Variants in PAX2 observed in about 807,000 individuals in gnomAD.
PAX2 encodes paired box protein Pax-2.
In PAX2, 9 loss-of-function variants were observed where a neutral mutation model predicts 41.7. That is an observed-to-expected ratio of 0.22 (90% CI 0.13 to 0.38). PAX2 has a LOEUF of 0.38. Among genes scored for constraint, PAX2 ranks in the 10% least tolerant of loss-of-function variants. PAX2 has a pLI of 1.00. For missense variants in PAX2, 418 were observed against 531.6 expected (o/e 0.79, Z 2.10); for synonymous variants, 221 against 212.7 (o/e 1.04, Z -0.34).
At position 100,750,706 on chromosome 10, in the gene PAX2, C is replaced by G. The variant is rs755604378; in HGVS notation, c.225C>G (p.Thr75=). Reference sequence around the variant, plus strand: ...TTTCCCGGCGCAGGTACTACGAGACCGGCAGCATCAAGCCGGGTGTGATCG... The same window carrying G: ...TTTCCCGGCGCAGGTACTACGAGACGGGCAGCATCAAGCCGGGTGTGATCG... The part of the protein sequence containing the change: ...VSKILGRYYE[T]GSIKPGVIGG... Residue 75 remains threonine (T), a synonymous_variant, in exon 3 of 10, where the codon ACC becomes ACG. Transcript: ENST00000355243. This position sits in a 1 kb window ranked among gnomAD's most constrained non-coding sequence, Gnocchi z 4.1. The G allele has an allele frequency of 6.2e-7, 1 of 1,614,120 alleles. No individual in the cohort carries two copies. Among genetic ancestry groups the G allele is most frequent in the African/African-American group, 1.3e-5 (1 of 75,048 alleles).
chr10:100,794,916 T>A (rs1310310340), intron 5 of PAX2, among the ~76,000 whole-genome samples: 1 of 152,232 alleles, frequency 6.6e-6, no homozygotes, highest in Non-Finnish European at 1.5e-5. Flanking sequence ...GAATTTCACC[T>A]TGTTGGTTTG....
chr10:100,772,441 A>C (rs1846247991), intron 3 of PAX2, among the ~76,000 whole-genome samples: 1 of 152,248 alleles, frequency 6.6e-6, no homozygotes, highest in Non-Finnish European at 1.5e-5. Flanking sequence ...GGCATAAGCC[A>C]CCATGCCTGG....
chr10:100,828,039 G>C lies in PAX2; in HGVS notation c.*420G>C, dbSNP rs1264207070. 4.1e-6 allele frequency: 1 copy of C among 242,494 alleles called. No individual in the cohort carries two copies. Among genetic ancestry groups the C allele is most frequent in the Non-Finnish European group, 7.9e-6 (1 of 126,010 alleles). 15.0% of individuals were successfully genotyped at this position (242,494 alleles called of 1,614,324 possible). A position where few individuals can be genotyped will look rare whatever the true frequency, so the allele number is the denominator to read the frequency against. The stretch of plus-strand genomic sequence containing the variant: ...ACACAATCAGCGCGGACCGCAGCGC[G>C]GCCCAGCCCCGGGCACCCGCCTCGG... On this transcript the variant is annotated 3_prime_UTR_variant, in exon 10 of 10. Transcript: ENST00000355243. The surrounding 1 kb of genome is among the most constrained non-coding windows in gnomAD (Gnocchi z 6.5).
rs542899598 is a variant in PAX2, at chr10:100,758,127, C to T, written c.410+7236C>T. Among the ~76,000 whole-genome samples, 199 of 150,134 alleles carry T rather than the reference C, an allele frequency of 1.3e-3. 1 individual carries two copies. The highest frequency in any genetic ancestry group is 4.6e-3 in the African/African-American group (188 of 40,510). ...TAGAAAGAGAGCAGGGCAGGGGGAG[C>T]GAGTCAGGTGCCATTCTTTTTTTTT... is the stretch of plus-strand genomic sequence containing the variant. On this transcript the variant is annotated intron_variant, in intron 3 of 9. Coordinates refer to ENST00000355243, the MANE Select transcript of PAX2 (RefSeq NM_000278.5).
chr10:100,735,506 G>A (rs942554071), exon 1 of PAX2: 2 of 267,280 alleles, frequency 7.5e-6, no homozygotes, highest in African/African-American at 2.2e-5. Context: ...GCCTCTGCGC[G>A]GCCGGGAGTG....
intron 7 of PAX2, among the ~76,000 whole-genome samples, chr10:100,813,662 G>A (rs535021343): frequency 8.5e-5 from 13 of 152,178 alleles, no homozygotes; most frequent in Non-Finnish European, 1.8e-4. Flanking sequence ...AGAATGGAAG[G>A]TCACCATGAG....
rs1048308411 is a variant in PAX2 at position 100,749,990 on chromosome 10, G to A, written c.212+76G>A. On this transcript the variant is annotated intron_variant, in intron 2 of 9. Transcript: ENST00000355243. Reference sequence around the variant, plus strand: ...AGCCCTGGGTCTCCAGCTGGAGGACGTGGCTAAAAGTCCAGCGTGCCAAGC... The same window carrying A: ...AGCCCTGGGTCTCCAGCTGGAGGACATGGCTAAAAGTCCAGCGTGCCAAGC... 53 of 1,518,660 alleles carry A rather than the reference G, an allele frequency of 3.5e-5. No individual in the cohort carries two copies. In the African/African-American group the frequency reaches 5.6e-4, roughly 16 times the overall value. The allele number at this position is 1,518,660 out of a possible 1,614,324, so 94.1% of individuals were successfully genotyped here.
intron 5 of PAX2, among the ~76,000 whole-genome samples, chr10:100,803,029 C>T (rs765059061): frequency 2.6e-5 from 4 of 152,042 alleles, no homozygotes; most frequent in Admixed American, 2.6e-4. Context: ...CGGGAGAACC[C>T]TCTAGGTGGT....
chr10:100,807,503 C>T (rs945130582), intron 6 of PAX2, among the ~76,000 whole-genome samples: 45 of 152,010 alleles, frequency 3.0e-4, no homozygotes, highest in Non-Finnish European at 5.2e-4. Flanking sequence ...CTCCCCCGAC[C>T]ACAGCCCACG....
rs754042654 is a variant in PAX2 at position 100,827,641 on chromosome 10, G to GACCA, written c.*22_*23insACCA. On this transcript the variant is annotated 3_prime_UTR_variant, in exon 10 of 10. Transcript: ENST00000355243. This position sits in a 1 kb window ranked among gnomAD's most constrained non-coding sequence, Gnocchi z 8.5. ...CTAGTTACCGCGGGGACCACATCAA[G>GACCA]CTTCAGGCCGACAGCTTCGGCCTCC... The GACCA allele has an allele frequency of 3.1e-6, 5 of 1,613,794 alleles. No homozygotes were observed. The highest frequency in any genetic ancestry group is 4.2e-6 in the Non-Finnish European group (5 of 1,179,928).
chr10:100,812,997 C>T (rs753527556), intron 7 of PAX2, among the ~76,000 whole-genome samples: 6 of 152,230 alleles, frequency 3.9e-5, no homozygotes, highest in Non-Finnish European at 8.8e-5. Flanking sequence ...ACATAAAATA[C>T]ACTAACACTA....
chr10:100,795,957 A>C (rs985959743), intron 5 of PAX2, among the ~76,000 whole-genome samples: 7 of 152,208 alleles, frequency 4.6e-5, no homozygotes, highest in African/African-American at 1.7e-4. Flanking sequence ...ACTGAGCCAA[A>C]ACCTGCCTTT....
chr10:100,820,722 A>T (rs796250416), intron 7 of PAX2, among the ~76,000 whole-genome samples: 1 of 152,264 alleles, frequency 6.6e-6, no homozygotes, highest in South Asian at 2.1e-4. Flanking sequence ...TCAAAAAACG[A>T]AAAACAAAAA....
Position 100,827,787 on chromosome 10 carries a change from C to G in PAX2, c.*168C>G. On this transcript the variant is annotated 3_prime_UTR_variant, in exon 10 of 10. Coordinates refer to ENST00000355243, the MANE Select transcript of PAX2 (RefSeq NM_000278.5). This position sits in a 1 kb window ranked among gnomAD's most constrained non-coding sequence, Gnocchi z 8.5. Reference sequence around the variant, plus strand: ...CCCCGCAACCCTTCACATCACCCCCCTCGAAGGTCGGACAGGACGGGTGGA... The same window carrying G: ...CCCCGCAACCCTTCACATCACCCCCGTCGAAGGTCGGACAGGACGGGTGGA... 1 of 1,024,422 alleles carries G rather than the reference C, an allele frequency of 9.8e-7. No individual in the cohort carries two copies. Among genetic ancestry groups the G allele is most frequent in the Non-Finnish European group, 1.5e-6 (1 of 680,508 alleles). 63.5% of individuals were successfully genotyped at this position (1,024,422 alleles called of 1,614,324 possible).
chr10:100,793,019 T>C (rs770606785), intron 5 of PAX2, among the ~76,000 whole-genome samples: 2 of 152,212 alleles, frequency 1.3e-5, no homozygotes, highest in African/African-American at 2.4e-5. Context: ...TAAACAAGCA[T>C]ACTTAGGGCG....
chr10:100,784,975 A>T (rs563098333), intron 5 of PAX2, among the ~76,000 whole-genome samples: 1 of 152,310 alleles, frequency 6.6e-6, no homozygotes, highest in East Asian at 1.9e-4. Context: ...GACAGTCCAG[A>T]TAGATGAGGA....
intron 5 of PAX2, among the ~76,000 whole-genome samples, chr10:100,801,928 T>A (rs1847579298): frequency 6.6e-6 from 1 of 152,228 alleles, no homozygotes; most frequent in South Asian, 2.1e-4. Flanking sequence ...AGCTTCCTTA[T>A]CTTTAAAATG....
chr10:100,799,266 C>T (rs1847454673), intron 5 of PAX2, among the ~76,000 whole-genome samples: 1 of 152,162 alleles, frequency 6.6e-6, no homozygotes, highest in African/African-American at 2.4e-5. Flanking sequence ...CTCTTTTCTT[C>T]CCATATCACT....
intron 3 of PAX2, among the ~76,000 whole-genome samples, chr10:100,770,339 T>C (rs1209092346): frequency 6.6e-6 from 1 of 152,102 alleles, no homozygotes; most frequent in Non-Finnish European, 1.5e-5. Context: ...AACAGGATCA[T>C]GGGGGTGGAC....
Sources: allele counts gnomAD v4.1 joint callset (sites outside exome capture counted in the v4.1 genomes callset), GRCh38; gene constraint gnomAD v4.1.1; non-coding constraint Gnocchi (gnomAD v3.1); transcripts MANE v1.5; gene names NCBI Gene and HGNC (gene_info 2026-07-23, HGNC 2026-07-21).